The following BTBD9 variants were observed in gnomAD, a reference collection of about 807,000 sequenced individuals.
The protein encoded by BTBD9 is BTB/POZ domain-containing protein 9.
BTBD9 carries 49 observed loss-of-function variants against 64.3 expected under a neutral mutation model. The ratio of observed to expected loss-of-function variants is 0.76; its 90% confidence interval spans 0.61 to 0.97. The LOEUF (loss-of-function observed/expected upper bound fraction) is 0.97, where lower values mean the gene tolerates loss of function less well. Ranked by LOEUF, BTBD9 falls within the 50% of genes least tolerant of loss-of-function variation. The pLI, the probability that BTBD9 is intolerant of heterozygous loss-of-function variation, is 0.00. For synonymous variants in BTBD9, 260 were observed against 274.7 expected (o/e 0.95, Z 0.53); for missense variants, 598 against 762.1 (o/e 0.78, Z 2.53).
intron 4 of BTBD9, among the ~76,000 whole-genome samples, chr6:38,592,197 A>C (rs1194950299): frequency 6.6e-6 from 1 of 151,664 alleles, no homozygotes; most frequent in African/African-American, 2.4e-5. Context: ...AAAAAAAAAG[A>C]ATCTCCATGT....
intron 9 of BTBD9, among the ~76,000 whole-genome samples, chr6:38,229,444 G>T (rs1393480227): frequency 6.6e-6 from 1 of 152,118 alleles, no homozygotes; most frequent in African/African-American, 2.4e-5. Flanking sequence ...GGTTTACCTG[G>T]ATCTTGTTTT....
chr6:38,324,169 C>T (rs1252086236), intron 7 of BTBD9, among the ~76,000 whole-genome samples: 2 of 152,132 alleles, frequency 1.3e-5, no homozygotes, highest in African/African-American at 4.8e-5. Flanking sequence ...TCTTGTTATA[C>T]ATTGGTCCAG....
intron 1 of BTBD9, among the ~76,000 whole-genome samples, chr6:38,598,923 AAATAAT>A (rs976453124): frequency 1.1e-4 from 17 of 152,012 alleles, no homozygotes; most frequent in Non-Finnish European, 1.9e-4. Context: ...TTCTCAAAAA[AAATAAT>A]AATAATAATA....
intron 7 of BTBD9, among the ~76,000 whole-genome samples, chr6:38,299,487 T>C (rs1762301488): frequency 1.3e-5 from 2 of 152,232 alleles, no homozygotes; most frequent in Non-Finnish European, 2.9e-5. Context: ...TGTAAAAGTG[T>C]TCCTATTTCT....
intron 7 of BTBD9, among the ~76,000 whole-genome samples, chr6:38,338,223 T>C (rs886122944): frequency 6.6e-6 from 1 of 152,228 alleles, no homozygotes; most frequent in Non-Finnish European, 1.5e-5. Context: ...AGCTAGCATA[T>C]ACAGCATGGA....
chr6:38,500,983 T>C (rs1168759362), intron 6 of BTBD9, among the ~76,000 whole-genome samples: 4 of 152,248 alleles, frequency 2.6e-5, no homozygotes, highest in Admixed American at 2.0e-4. Flanking sequence ...TATAGAGTAT[T>C]CATTTTCTAA....
At chr6:38,216,889 C>G (rs764341874) in intron 9 of BTBD9, among the ~76,000 whole-genome samples, 4 of 152,082 alleles carry the variant, frequency 2.6e-5, no homozygotes, top group Non-Finnish European at 5.9e-5. Flanking sequence ...GTTGGGGATG[C>G]TAAACACAGA....
At chr6:38,577,507 C>T (rs1045128509) in intron 6 of BTBD9, 93 bp downstream of exon 6, 1 of 1,312,594 alleles carries the variant, frequency 7.6e-7, no homozygotes, top group African/African-American at 1.5e-5. Context: ...CTGAATAACT[C>T]TTTTTTCAAG....
At chr6:38,588,200 C>T (rs1240231191) in intron 4 of BTBD9, 2 of 837,846 alleles carry the variant, frequency 2.4e-6, no homozygotes, top group East Asian at 2.4e-5. Flanking sequence ...CTCAGCAGTT[C>T]CAAGGATATG....
At chr6:38,256,007 A>C (rs1305205517) in intron 9 of BTBD9, among the ~76,000 whole-genome samples, 2 of 151,910 alleles carry the variant, frequency 1.3e-5, no homozygotes, top group Non-Finnish European at 2.9e-5. Flanking sequence ...AACATGGCAC[A>C]TGTATACCTA....
Position 38,558,928 on chromosome 6 carries a change from C to T in BTBD9, c.1154+18672G>A, listed in dbSNP as rs974526911. Among the ~76,000 whole-genome samples the T allele has an allele frequency of 6.6e-5, 10 of 152,118 alleles. No homozygotes were observed. The East Asian group carries it at 9.6e-4, about 15-fold the overall frequency. ...TAGGGAGAAGTCTCTCCTCCTCCATCGTTTGGAATCATTTCAGTAGAATGG... is the reference window on the plus strand; with the variant it reads ...TAGGGAGAAGTCTCTCCTCCTCCATTGTTTGGAATCATTTCAGTAGAATGG... On this transcript the variant is annotated intron_variant, in intron 6 of 10. Transcript: ENST00000481247.
intron 6 of BTBD9, among the ~76,000 whole-genome samples, chr6:38,442,914 C>T (rs1769103041): frequency 6.6e-6 from 1 of 151,846 alleles, no homozygotes; most frequent in African/African-American, 2.4e-5. Context: ...GTGGTCTGCC[C>T]GCCTTGGCCT....
Position 38,320,422 on chromosome 6 carries a change from T to C in BTBD9, c.1264+24562A>G, listed in dbSNP as rs1218521249. Among the ~76,000 whole-genome samples the C allele has an allele frequency of 2.6e-5, 4 of 152,332 alleles. No homozygotes were observed. In the East Asian group the frequency reaches 7.7e-4, roughly 29 times the overall value. On this transcript the variant is annotated intron_variant, in intron 7 of 10. Coordinates refer to ENST00000481247, the MANE Select transcript of BTBD9 (RefSeq NM_001099272.2). ...ATTTTCGTATCTGCCTTTTAAGGAA[T>C]ATCTTATTTCTGCATTTTAACTCTC...
intron 9 of BTBD9, among the ~76,000 whole-genome samples, chr6:38,222,505 C>T (rs901098802): frequency 2.0e-5 from 3 of 151,904 alleles, no homozygotes; most frequent in Admixed American, 1.3e-4. Flanking sequence ...GTGATCCGCC[C>T]GCCTTGGCCT....
At chr6:38,564,095 T>A (rs1239875959) in intron 6 of BTBD9, among the ~76,000 whole-genome samples, 2 of 152,080 alleles carry the variant, frequency 1.3e-5, no homozygotes, top group African/African-American at 2.4e-5. Context: ...CCTATCTAAC[T>A]CTTAATCATC....
At chr6:38,376,900 C>T (rs1213413487) in intron 6 of BTBD9, among the ~76,000 whole-genome samples, 1 of 152,172 alleles carries the variant, frequency 6.6e-6, no homozygotes, top group African/African-American at 2.4e-5. Flanking sequence ...ATATACTATG[C>T]CATAATTTCC....
chr6:38,533,264 T>C (rs1259626704), intron 6 of BTBD9, among the ~76,000 whole-genome samples: 1 of 152,092 alleles, frequency 6.6e-6, no homozygotes, highest in Non-Finnish European at 1.5e-5. Context: ...GGAGTAGCTA[T>C]ACTTATATCA....
chr6:38,573,329 T>C (rs1775863341), intron 6 of BTBD9, among the ~76,000 whole-genome samples: 1 of 152,144 alleles, frequency 6.6e-6, no homozygotes, highest in Non-Finnish European at 1.5e-5. Flanking sequence ...ATATATACAT[T>C]ATAACTTTAT....
chr6:38,337,415 C>T (rs532290104), intron 7 of BTBD9, among the ~76,000 whole-genome samples: 1 of 152,324 alleles, frequency 6.6e-6, no homozygotes, highest in East Asian at 1.9e-4. Context: ...TTTCTATTTA[C>T]TATCTTCAGC....
Sources: allele counts gnomAD v4.1 joint callset (sites outside exome capture counted in the v4.1 genomes callset), GRCh38; gene constraint gnomAD v4.1.1; transcripts MANE v1.5; gene names NCBI Gene and HGNC (gene_info 2026-07-23, HGNC 2026-07-21).